PXDNL: variants seen among roughly 807,000 people sequenced by gnomAD.
The protein encoded by PXDNL is peroxidasin like, also known as probable oxidoreductase PXDNL.
A neutral mutation model predicts 150.8 loss-of-function variants in PXDNL; 145 were observed. That is an observed-to-expected ratio of 0.96 (90% CI 0.84 to 1.10). The LOEUF (loss-of-function observed/expected upper bound fraction) is 1.10, where lower values mean the gene tolerates loss of function less well. PXDNL is among the 50% of genes least tolerant of loss of function. The probability of loss-of-function intolerance (pLI) is 0.00; values close to 1 mark genes in which losing one functional copy is unlikely to be tolerated. For synonymous variants in PXDNL, 757 were observed against 725.7 expected, an observed-to-expected ratio of 1.04 and a Z score of -0.69; for missense variants, 2,087 against 1,873.9, an observed-to-expected ratio of 1.11 and a Z score of -2.10.
At chr8:51,523,482 G>C (rs1442988017) in intron 4 of PXDNL, among the ~76,000 whole-genome samples, 1 of 152,170 alleles carries the variant, frequency 6.6e-6, no homozygotes, top group Non-Finnish European at 1.5e-5. Flanking sequence ...TTGTGATTTT[G>C]AGAAATTCAG....
At chr8:51,733,348 G>A (rs1238229011) in intron 1 of PXDNL, among the ~76,000 whole-genome samples, 1 of 152,166 alleles carries the variant, frequency 6.6e-6, no homozygotes, top group Non-Finnish European at 1.5e-5. Flanking sequence ...GTTCTCACTT[G>A]GTGGATTTTG....
chr8:51,515,079 G>A (rs961075570), intron 4 of PXDNL, among the ~76,000 whole-genome samples: 2 of 152,188 alleles, frequency 1.3e-5, no homozygotes, highest in Admixed American at 1.3e-4. Context: ...CTGCGTCCTC[G>A]CCAGAGCTTA....
intron 3 of PXDNL, among the ~76,000 whole-genome samples, chr8:51,560,219 G>T (rs369349220): frequency 1.3e-5 from 2 of 151,976 alleles, no homozygotes; most frequent in Admixed American, 1.3e-4. Context: ...ATTTAATATC[G>T]TTAAAATGTC....
intron 4 of PXDNL, among the ~76,000 whole-genome samples, chr8:51,511,563 T>C (rs150055087): frequency 0.016 from 2,489 of 152,192 alleles, 35 homozygotes; most frequent in Non-Finnish European, 0.024. Flanking sequence ...CCCAAGCTTA[T>C]GTACAGAGAT....
intron 1 of PXDNL, among the ~76,000 whole-genome samples, chr8:51,783,252 T>C (rs1197578873): frequency 6.6e-6 from 1 of 152,166 alleles, no homozygotes; most frequent in Non-Finnish European, 1.5e-5. Context: ...CCAAACACCA[T>C]CAAGTGAAGT....
intron 19 of PXDNL, among the ~76,000 whole-genome samples, chr8:51,370,940 CT>C (rs534692539): frequency 4.1e-4 from 62 of 152,268 alleles, no homozygotes; most frequent in East Asian, 4.1e-3. Context: ...ATTTCCTCCC[CT>C]GACAACAAAT....
chr8:51,695,216 T>C (rs1816089308), intron 1 of PXDNL, among the ~76,000 whole-genome samples: 1 of 152,212 alleles, frequency 6.6e-6, no homozygotes, highest in African/African-American at 2.4e-5. Context: ...CCCCACTTAA[T>C]CAATATAGTT....
Position 51,355,427 on chromosome 8 carries a change from A to G in PXDNL, c.3902-9480T>C, listed in dbSNP as rs186301387. Among the ~76,000 whole-genome samples the G allele has an allele frequency of 3.3e-5, 5 of 152,270 alleles. No individual in the cohort carries two copies. The East Asian group carries it at 9.6e-4, about 29-fold the overall frequency. ...ATGCAGCTGGAAATTACAAGACCACATGGTTCAATAAATCCCAGTAGAAAA... is the reference window on the plus strand; with the variant it reads ...ATGCAGCTGGAAATTACAAGACCACGTGGTTCAATAAATCCCAGTAGAAAA... On this transcript the variant is annotated intron_variant, in intron 19 of 22. Coordinates refer to ENST00000356297, the MANE Select transcript of PXDNL (RefSeq NM_144651.5).
chr8:51,393,804 G>A lies in PXDNL; in HGVS notation c.3557+14263C>T, dbSNP rs547576629. 9.2e-5 allele frequency among the ~76,000 whole-genome samples: 14 copies of A among 152,314 alleles called. No individual in the cohort carries two copies. The South Asian group carries it at 2.5e-3, about 27-fold the overall frequency. On this transcript the variant is annotated intron_variant, in intron 17 of 22. Transcript: ENST00000356297. Reference sequence around the variant, plus strand: ...GAAGGAGTGTGGGCAGCCTCTAGAAGGGGGAAAGACAGGGAAACAAATCAT... The same window carrying A: ...GAAGGAGTGTGGGCAGCCTCTAGAAAGGGGAAAGACAGGGAAACAAATCAT...
chr8:51,573,338 A>G (rs1353236166), intron 3 of PXDNL, among the ~76,000 whole-genome samples: 1 of 151,992 alleles, frequency 6.6e-6, no homozygotes. Context: ...GTATCAGTAC[A>G]GACCACATAG....
intron 4 of PXDNL, among the ~76,000 whole-genome samples, chr8:51,512,936 C>CTCA (rs10655584): frequency 6.6e-6 from 1 of 151,994 alleles, no homozygotes; most frequent in African/African-American, 2.4e-5. Context: ...CTCCCACCAA[C>CTCA]AGGGGCAAGC....
intron 19 of PXDNL, among the ~76,000 whole-genome samples, chr8:51,371,348 T>C (rs1753112640): frequency 6.6e-6 from 1 of 152,204 alleles, no homozygotes; most frequent in African/African-American, 2.4e-5. Flanking sequence ...AGAAGCACCT[T>C]AGGGAAAGTT....
chr8:51,530,556 AC>A (rs1416062854), intron 4 of PXDNL, among the ~76,000 whole-genome samples: 1 of 152,098 alleles, frequency 6.6e-6, no homozygotes, highest in Non-Finnish European at 1.5e-5. Flanking sequence ...GACCACCCGG[AC>A]TGCCCACTGC....
chr8:51,469,485 C>T (rs953239924), intron 8 of PXDNL, among the ~76,000 whole-genome samples: 7 of 151,982 alleles, frequency 4.6e-5, no homozygotes, highest in Admixed American at 3.9e-4. Context: ...ATTGTAGTCT[C>T]GATGTCTCTT....
chr8:51,400,795 G>A (rs1808225284), intron 17 of PXDNL, among the ~76,000 whole-genome samples: 1 of 152,118 alleles, frequency 6.6e-6, no homozygotes, highest in South Asian at 2.1e-4. Flanking sequence ...TCATTCCTTT[G>A]TACAAAAGAT....
chr8:51,411,331 C>T lies in PXDNL; in HGVS notation c.1981G>A (p.Ala661Thr). The stretch of plus-strand genomic sequence containing the variant: ...AGCGTGTGCTCAAAAATCTCCCCTG[C>T]TCTTGCCATTTCCACAATCAGTGGG... Reference protein sequence around the residue: ...RDPLIVEMARAGEIFEHTLQL... With the variant: ...RDPLIVEMARTGEIFEHTLQL... The change falls in exon 16 of 23, where the codon GCA becomes ACA. Residue 661 changes from alanine (A) to threonine (T), a missense_variant. Coordinates refer to ENST00000356297, the MANE Select transcript of PXDNL (RefSeq NM_144651.5). The T allele has an allele frequency of 6.3e-7, 1 of 1,591,176 alleles. No individual in the cohort carries two copies. Among genetic ancestry groups the T allele is most frequent in the East Asian group, 2.3e-5 (1 of 43,334 alleles).
At chr8:51,329,940 G>T (rs535344677) in intron 21 of PXDNL, among the ~76,000 whole-genome samples, 1 of 152,304 alleles carries the variant, frequency 6.6e-6, no homozygotes, top group African/African-American at 2.4e-5. Flanking sequence ...TCAAAGGCTG[G>T]AGAGCCAGAG....
chr8:51,410,732 C>T (rs550354776), intron 16 of PXDNL, among the ~76,000 whole-genome samples: 1 of 152,258 alleles, frequency 6.6e-6, no homozygotes, highest in African/African-American at 2.4e-5. Flanking sequence ...CATTTGACAT[C>T]TACTAACTAG....
At chr8:51,582,519 A>G (rs537485789) in intron 3 of PXDNL, among the ~76,000 whole-genome samples, 5 of 152,304 alleles carry the variant, frequency 3.3e-5, no homozygotes, top group African/African-American at 9.6e-5. Context: ...ACACTTGTCT[A>G]TATTCAGGGT....
Sources: gnomAD v4.1 joint callset for allele counts (sites outside exome capture counted in the v4.1 genomes callset) on GRCh38, gnomAD v4.1.1 for gene constraint, MANE v1.5 for transcripts, NCBI Gene and HGNC (gene_info 2026-07-23, HGNC 2026-07-21) for gene names.